ABLIM1: variants seen among roughly 807,000 people sequenced by gnomAD.
The protein encoded by ABLIM1 is actin-binding LIM protein 1.
Under a neutral mutation model 107.0 loss-of-function variants are expected in ABLIM1, and 40 were observed. That is an observed-to-expected ratio of 0.37 (90% CI 0.29 to 0.49). The LOEUF (loss-of-function observed/expected upper bound fraction) is 0.49, where lower values mean the gene tolerates loss of function less well. Among genes scored for constraint, ABLIM1 ranks in the 20% least tolerant of loss-of-function variants. The probability of loss-of-function intolerance (pLI) is 0.97; values close to 1 mark genes in which losing one functional copy is unlikely to be tolerated. For missense variants in ABLIM1, 857 were observed against 1,008.5 expected (o/e 0.85, Z 2.04); for synonymous variants, 357 against 357.3 (o/e 1.00, Z 0.01).
intron 1 of ABLIM1, among the ~76,000 whole-genome samples, chr10:114,761,450 A>ATG (rs2082744755): frequency 6.6e-6 from 1 of 152,132 alleles, no homozygotes; most frequent in Non-Finnish European, 1.5e-5. Flanking sequence ...CTCAGTCTGC[A>ATG]ACCAAATTCC....
At position 114,763,311 on chromosome 10, in the gene ABLIM1, T is replaced by A. The variant is rs577723316; in HGVS notation, c.-213+4750A>T. On this transcript the variant is annotated intron_variant, in intron 1 of 15. Transcript: ENST00000651092. ...TTAACTTTGTATAATTCCAGCCTGT[T>A]TGAATTTAAACATACTGTATTAATT... Among the ~76,000 whole-genome samples, 98 of 152,270 alleles carry A rather than the reference T, an allele frequency of 6.4e-4. 3 individuals are homozygous for A. In the South Asian group the frequency reaches 0.019, roughly 30 times the overall value.
chr10:114,639,387 A>G (rs1195114475), intron 1 of ABLIM1, among the ~76,000 whole-genome samples: 4 of 152,244 alleles, frequency 2.6e-5, no homozygotes, highest in African/African-American at 9.6e-5. Context: ...CCATGGTTAC[A>G]CAATTACTTA....
chr10:114,541,760 C>T (rs972395793), intron 6 of ABLIM1, among the ~76,000 whole-genome samples: 12 of 152,204 alleles, frequency 7.9e-5, no homozygotes, highest in African/African-American at 2.9e-4. Context: ...TCTCTGCAGC[C>T]ACAGTGAATG....
chr10:114,468,487 G>GAT (rs2065725949), intron 10 of ABLIM1, among the ~76,000 whole-genome samples: 1 of 151,998 alleles, frequency 6.6e-6, no homozygotes, highest in Non-Finnish European at 1.5e-5. Flanking sequence ...CGTTAGTCAG[G>GAT]ATGGTCTCTA....
At chr10:114,532,775 T>C (rs2065590847) in intron 6 of ABLIM1, among the ~76,000 whole-genome samples, 1 of 152,170 alleles carries the variant, frequency 6.6e-6, no homozygotes. Context: ...CCATCTTTGG[T>C]GTGACTTATT....
chr10:114,715,996 G>A (rs963752128), intron 1 of ABLIM1, among the ~76,000 whole-genome samples: 1 of 152,124 alleles, frequency 6.6e-6, no homozygotes, highest in Non-Finnish European at 1.5e-5. Flanking sequence ...CTAGGCCATC[G>A]TAGGGATCCA....
chr10:114,614,076 C>T (rs1247473704), intron 1 of ABLIM1, among the ~76,000 whole-genome samples: 1 of 151,990 alleles, frequency 6.6e-6, no homozygotes, highest in Non-Finnish European at 1.5e-5. Context: ...TGTTAAAATC[C>T]AACATGGGAC....
intron 4 of ABLIM1, among the ~76,000 whole-genome samples, chr10:114,559,581 G>C (rs1364539196): frequency 6.6e-6 from 1 of 152,174 alleles, no homozygotes; most frequent in Admixed American, 6.5e-5. Flanking sequence ...CCTCGGGGCA[G>C]GGCAAGTGAC....
chr10:114,572,408 G>C (rs928338244), intron 3 of ABLIM1, among the ~76,000 whole-genome samples: 21 of 152,184 alleles, frequency 1.4e-4, no homozygotes, highest in African/African-American at 5.1e-4. Flanking sequence ...GCAATTAACT[G>C]TAATAAACAA....
upstream of ABLIM1, among the ~76,000 whole-genome samples, chr10:114,688,788 GGATGAA>G (rs2081003823): frequency 1.3e-5 from 2 of 152,304 alleles, no homozygotes; most frequent in African/African-American, 4.8e-5. Context: ...AAACAGCTCT[GGATGAA>G]TCAGTAATCA....
chr10:114,550,122 C>A (rs1484423184), intron 4 of ABLIM1, among the ~76,000 whole-genome samples: 2 of 151,754 alleles, frequency 1.3e-5, no homozygotes, highest in African/African-American at 4.8e-5. Flanking sequence ...TAATGTATGG[C>A]CCATTATCTA....
intron 12 of ABLIM1, among the ~76,000 whole-genome samples, chr10:114,456,442 C>A (rs1004259679): frequency 6.6e-6 from 1 of 152,182 alleles, no homozygotes. Flanking sequence ...TTCTTACGGT[C>A]TTTTCTCGAA....
intron 1 of ABLIM1, among the ~76,000 whole-genome samples, chr10:114,635,627 C>T (rs546881261): frequency 6.6e-6 from 1 of 152,366 alleles, no homozygotes; most frequent in South Asian, 2.1e-4. Context: ...AGGTTTCAAG[C>T]GGTTCTCCTG....
intron 1 of ABLIM1, among the ~76,000 whole-genome samples, chr10:114,631,709 G>A (rs2078187090): frequency 6.6e-6 from 1 of 151,816 alleles, no homozygotes. Flanking sequence ...ATGTGCTCCC[G>A]ATGCGGTGGT....
intron 2 of ABLIM1, among the ~76,000 whole-genome samples, chr10:114,583,099 T>C (rs754978490): frequency 2.6e-5 from 4 of 151,864 alleles, no homozygotes; most frequent in Non-Finnish European, 5.9e-5. Flanking sequence ...GAGAAAATAT[T>C]TGCAAACTGT....
chr10:114,712,092 C>T (rs1325908224), intron 1 of ABLIM1, among the ~76,000 whole-genome samples: 1 of 152,064 alleles, frequency 6.6e-6, no homozygotes. Context: ...GTGACTCACA[C>T]CTGTAATCCC....
intron 1 of ABLIM1, among the ~76,000 whole-genome samples, chr10:114,602,258 G>C (rs2076072049): frequency 6.6e-6 from 1 of 152,108 alleles, no homozygotes; most frequent in South Asian, 2.1e-4. Context: ...ACACAATCTT[G>C]CTTAGTTCAA....
chr10:114,721,880 T>G (rs1237900290), intron 1 of ABLIM1, among the ~76,000 whole-genome samples: 2 of 152,296 alleles, frequency 1.3e-5, no homozygotes, highest in African/African-American at 2.4e-5. Flanking sequence ...AGGCTTTTTT[T>G]GGGCACCAGT....
chr10:114,515,447 A>T (rs1311565105), intron 6 of ABLIM1, among the ~76,000 whole-genome samples: 1 of 152,186 alleles, frequency 6.6e-6, no homozygotes, highest in African/African-American at 2.4e-5. Flanking sequence ...CTGCAGCCTT[A>T]TGCTTTTCAT....
Sources: gnomAD v4.1 joint callset for allele counts (sites outside exome capture counted in the v4.1 genomes callset) on GRCh38, gnomAD v4.1.1 for gene constraint, MANE v1.5 for transcripts, NCBI Gene and HGNC (gene_info 2026-07-23, HGNC 2026-07-21) for gene names.